CSMD1: variants seen among roughly 807,000 people sequenced by gnomAD.
CSMD1 encodes the protein CUB and sushi domain-containing protein 1.
A neutral mutation model predicts 417.5 loss-of-function variants in CSMD1; 213 were observed. The ratio of observed to expected loss-of-function variants is 0.51; its 90% CI spans 0.46 to 0.57. The LOEUF is 0.57. CSMD1 is among the 20% of genes least tolerant of loss of function. The pLI is 0.00. For missense variants in CSMD1, 6,923 were observed against 4,529.7 expected (o/e 1.53, Z -15.17); for synonymous variants, 2,862 against 1,736.8 (o/e 1.65, Z -16.11).
At chr8:3,198,906 G>C (rs1408069636) in intron 33 of CSMD1, among the ~76,000 whole-genome samples, 3 of 101,450 alleles carry the variant, frequency 3.0e-5, no homozygotes, top group African/African-American at 6.6e-5. Context: ...GCAAAATTGA[G>C]ACCTAGAAAA....
intron 2 of CSMD1, among the ~76,000 whole-genome samples, chr8:4,449,728 G>A (rs377482499): frequency 5.9e-5 from 9 of 152,296 alleles, no homozygotes; most frequent in African/African-American, 1.9e-4. Context: ...TGCCAGAATA[G>A]GGTCGGGTGT....
intron 3 of CSMD1, among the ~76,000 whole-genome samples, chr8:4,053,452 C>A (rs1325973624): frequency 6.6e-6 from 1 of 151,742 alleles, no homozygotes; most frequent in Non-Finnish European, 1.5e-5. Flanking sequence ...CGGTGGGGAA[C>A]CCTACTGAAG....
At chr8:3,303,934 G>C (rs1459897131) in intron 25 of CSMD1, among the ~76,000 whole-genome samples, 1 of 74,364 alleles carries the variant, frequency 1.3e-5, no homozygotes, top group East Asian at 4.7e-4. Flanking sequence ...TAACTATTTT[G>C]GGGTATTGCG....
At chr8:3,317,123 T>A (rs894334) in intron 23 of CSMD1, among the ~76,000 whole-genome samples, 4 of 152,012 alleles carry the variant, frequency 2.6e-5, no homozygotes, top group African/African-American at 4.8e-5. Context: ...AAAATGCAGC[T>A]CATGGGAGAG....
At chr8:3,708,057 C>G (rs1162563638) in intron 7 of CSMD1, among the ~76,000 whole-genome samples, 1 of 152,158 alleles carries the variant, frequency 6.6e-6, no homozygotes, top group Non-Finnish European at 1.5e-5. Context: ...ACCAACTTCT[C>G]CTTTGCAGAG....
In CSMD1 at chr8:3,808,697, G is replaced by C. The variant is rs116703904; in HGVS notation, c.819-54655C>G. ...GATATTTCTGAGGTTTGGCACTCTA[G>C]AAGTTCCCACTTGCGTAAACTTTCA... On this transcript the variant is annotated intron_variant, in intron 5 of 69. Coordinates refer to ENST00000635120, the MANE Select transcript of CSMD1 (RefSeq NM_033225.6). 3.6e-3 allele frequency among the ~76,000 whole-genome samples: 551 copies of C among 152,280 alleles called. 7 individuals are homozygous for C. Among genetic ancestry groups the C allele is most frequent in the African/African-American group, 0.013 (520 of 41,566 alleles).
chr8:3,814,941 G>A (rs998950455), intron 5 of CSMD1, among the ~76,000 whole-genome samples: 1 of 152,030 alleles, frequency 6.6e-6, no homozygotes, highest in African/African-American at 2.4e-5. Context: ...TCTGAAGTCA[G>A]CCATCCCAAA....
chr8:4,987,296 T>C (rs1208263718), intron 1 of CSMD1, among the ~76,000 whole-genome samples: 1 of 152,202 alleles, frequency 6.6e-6, no homozygotes, highest in African/African-American at 2.4e-5. Context: ...ACATAGAGTG[T>C]TCAAAAACTG....
intron 5 of CSMD1, among the ~76,000 whole-genome samples, chr8:3,881,007 A>G (rs1424691006): frequency 6.6e-6 from 1 of 152,178 alleles, no homozygotes; most frequent in Non-Finnish European, 1.5e-5. Flanking sequence ...CAAAATTTTA[A>G]AAAGAAATCA....
chr8:3,405,829 C>A (rs1210159108), intron 15 of CSMD1, among the ~76,000 whole-genome samples, 198 bp downstream of exon 15: 1 of 152,172 alleles, frequency 6.6e-6, no homozygotes, highest in Non-Finnish European at 1.5e-5. Context: ...AAGGACCCCA[C>A]CCTGCCGATG....
At chr8:4,066,528 G>A (rs1268675599) in intron 3 of CSMD1, among the ~76,000 whole-genome samples, 2 of 152,134 alleles carry the variant, frequency 1.3e-5, no homozygotes, top group Non-Finnish European at 2.9e-5. Flanking sequence ...ATTTCTAAAT[G>A]TATCTACCTG....
chr8:4,328,295 A>AC (rs1194722217), intron 3 of CSMD1, among the ~76,000 whole-genome samples: 1 of 139,816 alleles, frequency 7.2e-6, no homozygotes, highest in African/African-American at 2.7e-5. Flanking sequence ...ACTGTGAATT[A>AC]CCACTTCCCC....
intron 3 of CSMD1, among the ~76,000 whole-genome samples, chr8:4,353,276 G>A (rs927961941): frequency 2.6e-5 from 4 of 151,940 alleles, no homozygotes; most frequent in Non-Finnish European, 5.9e-5. Flanking sequence ...GAGATCTGAT[G>A]GTTTTATAAA....
At chr8:4,820,107 T>A (rs1429767174) in intron 1 of CSMD1, among the ~76,000 whole-genome samples, 1 of 152,064 alleles carries the variant, frequency 6.6e-6, no homozygotes, top group Non-Finnish European at 1.5e-5. Context: ...CTAAGGCAAA[T>A]CTGAGCTGGG....
chr8:3,836,671 T>C (rs1026063108), intron 5 of CSMD1, among the ~76,000 whole-genome samples: 5 of 152,126 alleles, frequency 3.3e-5, no homozygotes, highest in Non-Finnish European at 5.9e-5. Context: ...TGAGTTCCTG[T>C]AATAACCTTT....
intron 26 of CSMD1, among the ~76,000 whole-genome samples, chr8:3,242,372 C>T (rs1175901991): frequency 6.6e-6 from 1 of 151,208 alleles, no homozygotes; most frequent in Non-Finnish European, 1.5e-5. Flanking sequence ...ACTGAGGGGA[C>T]AGGTAGGAGG....
intron 59 of CSMD1, among the ~76,000 whole-genome samples, chr8:2,963,788 T>G (rs542960232): frequency 1.8e-4 from 27 of 152,326 alleles, no homozygotes; most frequent in Non-Finnish European, 3.5e-4. Flanking sequence ...TAAGAATTTT[T>G]CTGGCCATCT....
At chr8:4,094,800 G>C (rs562952719) in intron 3 of CSMD1, among the ~76,000 whole-genome samples, 2 of 152,278 alleles carry the variant, frequency 1.3e-5, no homozygotes, top group Admixed American at 6.5e-5. Flanking sequence ...TGGATAAACA[G>C]GCCTGCCAGG....
At chr8:4,799,850 C>T (rs1028514967) in intron 1 of CSMD1, among the ~76,000 whole-genome samples, 3 of 151,778 alleles carry the variant, frequency 2.0e-5, no homozygotes, top group African/African-American at 7.3e-5. Context: ...GCATTAGAAA[C>T]TTTAACCTGT....
Sources: gnomAD v4.1 joint callset for allele counts (sites outside exome capture counted in the v4.1 genomes callset) on GRCh38, gnomAD v4.1.1 for gene constraint, MANE v1.5 for transcripts, NCBI Gene and HGNC (gene_info 2026-07-23, HGNC 2026-07-21) for gene names.